MYL6: variants seen among roughly 807,000 people sequenced by gnomAD.
MYL6 encodes the protein myosin light polypeptide 6.
A neutral mutation model predicts 20.3 loss-of-function variants in MYL6; 20 were observed. The ratio of observed to expected loss-of-function variants is 0.98; its 90% CI spans 0.69 to 1.43. The LOEUF is 1.43. Ranked by LOEUF, MYL6 falls within the 40% of genes most tolerant of loss-of-function variation. The probability of loss-of-function intolerance (pLI) is 0.00; values close to 1 mark genes in which losing one functional copy is unlikely to be tolerated. For missense variants in MYL6, 164 were observed against 191.0 expected (o/e 0.86, Z 0.83); for synonymous variants, 77 against 72.4 (o/e 1.06, Z -0.32).
chr12:56,160,824 T>C, intron 6 of MYL6, 154 bp downstream of exon 6: 1 of 846,780 alleles, frequency 1.2e-6, no homozygotes, highest in Non-Finnish European at 1.9e-6. Context: ...GAGGGATTCC[T>C]CAAAGAGGAA....
At chr12:56,160,832 G>T in intron 6 of MYL6, 162 bp downstream of exon 6, 1 of 763,692 alleles carries the variant, frequency 1.3e-6, no homozygotes, top group Non-Finnish European at 2.1e-6. Context: ...CCTCAAAGAG[G>T]AAGACAACCT....
rs754559116 is a variant in MYL6, at chr12:56,159,581, C to T, written c.32-6C>T. The T allele has an allele frequency of 1.2e-6, 2 of 1,612,534 alleles. No individual in the cohort carries two copies. On this transcript the variant is annotated splice_polypyrimidine_tract_variant and splice_region_variant and intron_variant, in intron 2 of 6. Transcript: ENST00000550697. ...ATCCTGTGTTGACATTCATCTGAAT[C>T]CTCAGAGTTCAAGGAGGCCTTCCAG... is the stretch of plus-strand genomic sequence containing the variant.
chr12:56,158,596 G>C (rs749836653), intron 1 of MYL6, 88 bp from the exon 2 acceptor site: 18 of 1,609,412 alleles, frequency 1.1e-5, no homozygotes, highest in Non-Finnish European at 1.4e-5. Context: ...TTGTGGGTCA[G>C]AGTTTGTGGG....
chr12:56,161,330 T>C, intron 6 of MYL6, 57 bp from the exon 7 acceptor site: 7 of 1,607,552 alleles, frequency 4.4e-6, no homozygotes, highest in Non-Finnish European at 6.0e-6. Flanking sequence ...CCCCTGGCCC[T>C]TGGCGTACCC....
In MYL6 at chr12:56,161,362, C is replaced by T. The variant is rs752733270; in HGVS notation, c.*17-25C>T. 1.1e-5 allele frequency: 17 copies of T among 1,613,976 alleles called. No individual in the cohort carries two copies. In the East Asian group the frequency reaches 2.9e-4, roughly 27 times the overall value. On this transcript the variant is annotated intron_variant, in intron 6 of 6. Transcript: ENST00000550697. ...ACCCCTCCACAGCCCTGTTCCCTGG[C>T]TCATCCCACCTTTCCTTTCCACAGA... is the stretch of plus-strand genomic sequence containing the variant.
intron 6 of MYL6, 74 bp downstream of exon 6, chr12:56,160,744 C>A (rs759190018): frequency 1.5e-4 from 224 of 1,500,120 alleles, no homozygotes; most frequent in Non-Finnish European, 1.9e-4. Flanking sequence ...TGCTCTTTAT[C>A]CCCTGCCCTT....
chr12:56,160,322 T>C lies in MYL6; in HGVS notation c.427+2T>C. On this transcript the variant is annotated splice_donor_variant, in intron 5 of 6. Transcript: ENST00000550697. LOFTEE classifies it high-confidence loss of function. Reference sequence around the variant, plus strand: ...GCAATGGTTGTATCAACTATGAAGGTAAGAGGTGAACTGCGCTTTCTCAGA... The same window carrying C: ...GCAATGGTTGTATCAACTATGAAGGCAAGAGGTGAACTGCGCTTTCTCAGA... 1.2e-6 allele frequency: 2 copies of C among 1,613,988 alleles called. No homozygotes were observed. The highest frequency in any genetic ancestry group is 1.7e-6 in the Non-Finnish European group (2 of 1,179,980).
At chr12:56,159,195 T>C in intron 2 of MYL6, 1 of 277,364 alleles carries the variant, frequency 3.6e-6, no homozygotes, top group South Asian at 5.0e-5. Flanking sequence ...GAAGTTCTCT[T>C]TATACTGGAG....
At chr12:56,158,929 T>C (rs186068314) in intron 2 of MYL6, 1 of 1,420,696 alleles carries the variant, frequency 7.0e-7, no homozygotes, top group Non-Finnish European at 9.1e-7. Context: ...GGGTGAGTTT[T>C]AGGTGGTGTG....
intron 6 of MYL6, chr12:56,160,969 C>T (rs1871787120): frequency 5.3e-6 from 3 of 569,154 alleles, no homozygotes; most frequent in Non-Finnish European, 6.3e-6. Context: ...CCTTCTGGCC[C>T]TGGAGCATGG....
chr12:56,160,141 C>T lies in MYL6; in HGVS notation c.342C>T (p.Val114=). 6.2e-7 allele frequency: 1 copy of T among 1,613,888 alleles called. No individual in the cohort carries two copies. The highest frequency in any genetic ancestry group is 8.5e-7 in the Non-Finnish European group (1 of 1,179,882). Residue 114 remains valine, a synonymous_variant, in exon 4 of 7, where the codon GTC becomes GTT. Coordinates refer to ENST00000550697, the MANE Select transcript of MYL6 (RefSeq NM_021019.5). ...GTGCTGAAATCCGGCATGTTCTTGT[C>T]ACACTGGGTAAGGTTCTGTGTCCTT... ...VMGAEIRHVL[V]TLGEKMTEEE...
At chr12:56,159,108 C>T in intron 2 of MYL6, 1 of 390,526 alleles carries the variant, frequency 2.6e-6, no homozygotes, top group Non-Finnish European at 4.5e-6. Context: ...GATTGTAGAG[C>T]AGTGACCTGA....
chr12:56,160,382 T>C, intron 5 of MYL6, 62 bp downstream of exon 5: 1 of 1,599,324 alleles, frequency 6.3e-7, no homozygotes, highest in Non-Finnish European at 8.6e-7. Context: ...AAGTATAGTG[T>C]CTGGGGCTTT....
chr12:56,160,728 A>C (rs1336159796), intron 6 of MYL6, 58 bp downstream of exon 6: 1 of 1,569,356 alleles, frequency 6.4e-7, no homozygotes, highest in Non-Finnish European at 8.7e-7. Flanking sequence ...TTTTTTCCCC[A>C]ACCTGTGCTC....
chr12:56,158,988 C>A, intron 2 of MYL6: 1 of 1,334,728 alleles, frequency 7.5e-7, no homozygotes, highest in Non-Finnish European at 9.7e-7. Flanking sequence ...TGTGGGGTCT[C>A]GGGAGGGTGT....
In MYL6 at chr12:56,161,446, C is replaced by CT; in HGVS notation, c.*79dup. The stretch of plus-strand genomic sequence containing the variant: ...TTCCCAGTCTCCCCAGAGTCCGTGC[C>CT]TTTCCCTGTGTGAATTTTGTATCTA... On this transcript the variant is annotated 3_prime_UTR_variant, in exon 7 of 7. Transcript: ENST00000550697. 6.2e-7 allele frequency: 1 copy of CT among 1,613,706 alleles called. No homozygotes were observed.
intron 2 of MYL6, 92 bp from the exon 3 acceptor site, chr12:56,159,495 C>G: frequency 6.6e-7 from 1 of 1,519,356 alleles, no homozygotes; most frequent in East Asian, 2.3e-5. Flanking sequence ...CTCGTTTCCT[C>G]AGCATGATCA....
chr12:56,158,457 A>G, intron 1 of MYL6, 53 bp downstream of exon 1: 1 of 1,554,868 alleles, frequency 6.4e-7, no homozygotes, highest in Non-Finnish European at 8.7e-7. Flanking sequence ...AGGCAGGAAG[A>G]GACGGGTGGG....
chr12:56,159,673 G>A lies in MYL6; in HGVS notation c.118G>A (p.Gly40Ser). 2 of 1,614,148 alleles carry A rather than the reference G, an allele frequency of 1.2e-6. No individual in the cohort carries two copies. Among genetic ancestry groups the A allele is most frequent in the Non-Finnish European group, 1.7e-6 (2 of 1,180,010 alleles). Residue 40 changes from glycine (G) to serine (S), a missense_variant, in exon 3 of 7, where the codon GGC becomes AGC. Transcript: ENST00000550697. ...GTGTGGGGATGTGATGAGGGCCCTG[G>A]GCCAGAACCCTACCAACGCCGAGGT... ...SQCGDVMRAL[G>S]QNPTNAEVLK...
Sources: gnomAD v4.1 joint callset for allele counts on GRCh38, gnomAD v4.1.1 for gene constraint, MANE v1.5 for transcripts, NCBI Gene and HGNC (gene_info 2026-07-23, HGNC 2026-07-21) for gene names.